C14orf93: variants seen among roughly 807,000 people sequenced by gnomAD.
The protein encoded by C14orf93 is chromosome 14 open reading frame 93.
In C14orf93, 23 loss-of-function variants were observed where a neutral mutation model predicts 44.0. The ratio of observed to expected loss-of-function variants is 0.52; its 90% confidence interval spans 0.38 to 0.74. The LOEUF (loss-of-function observed/expected upper bound fraction) is 0.74, where lower values mean the gene tolerates loss of function less well. Ranked by LOEUF, C14orf93 falls within the 30% of genes least tolerant of loss-of-function variation. C14orf93 has a pLI of 0.00. For missense variants in C14orf93, 579 were observed against 678.9 expected (o/e 0.85, Z 1.64); for synonymous variants, 253 against 265.7 (o/e 0.95, Z 0.46).
intron 1 of C14orf93, among the ~76,000 whole-genome samples, chr14:23,004,085 TTTG>T (rs1239814301): frequency 1.4e-5 from 2 of 146,762 alleles, no homozygotes; most frequent in East Asian, 4.1e-4. Flanking sequence ...AATTTTTGTA[TTTG>T]TAGTAGAGAT....
At chr14:22,990,398 A>T (rs1210246108) in intron 3 of C14orf93, among the ~76,000 whole-genome samples, 1 of 152,018 alleles carries the variant, frequency 6.6e-6, no homozygotes, top group African/African-American at 2.4e-5. Context: ...TTCCATGAAC[A>T]TACCCCTGAT....
At chr14:23,007,079 A>G (rs891361406) in intron 1 of C14orf93, 5 of 152,284 alleles carry the variant, frequency 3.3e-5, no homozygotes, top group African/African-American at 1.2e-4. Context: ...GCACGGGCTG[A>G]CTCAGCTAGG....
chr14:22,987,692 G>C lies in C14orf93; in HGVS notation c.1198-58C>G, dbSNP rs2045313480. ...GGTAAACATTCTATGGATTAGATTT[G>C]GGGAAAAGGTTTGGTGGGGAAGGCT... On this transcript the variant is annotated intron_variant, in intron 6 of 6. Transcript: ENST00000299088. This position sits in a 1 kb window ranked among gnomAD's most constrained non-coding sequence, Gnocchi z 5.6. 1 of 1,505,312 alleles carries C rather than the reference G, an allele frequency of 6.6e-7. No homozygotes were observed. The highest frequency in any genetic ancestry group is 2.2e-5 in the Admixed American group (1 of 46,190). The allele number at this position is 1,505,312 out of a possible 1,614,324, so 93.2% of individuals were successfully genotyped here.
chr14:23,002,585 A>G (rs2046368928), intron 1 of C14orf93: 1 of 152,206 alleles, frequency 6.6e-6, no homozygotes. Context: ...TTTTGTGAAG[A>G]TTATACATAA....
chr14:22,999,153 G>T lies in C14orf93; in HGVS notation c.-130C>A. 1 of 1,412,146 alleles carries T rather than the reference G, an allele frequency of 7.1e-7. No homozygotes were observed. The highest frequency in any genetic ancestry group is 9.4e-7 in the Non-Finnish European group (1 of 1,064,074). 87.5% of individuals were successfully genotyped at this position (1,412,146 alleles called of 1,614,324 possible). Reference sequence around the variant, plus strand: ...AGAGGAGCCCAGGCCCCAAGCTGTAGGGTCTGTGAAAGAAGAGTAAACAAG... The same window carrying T: ...AGAGGAGCCCAGGCCCCAAGCTGTATGGTCTGTGAAAGAAGAGTAAACAAG... On this transcript the variant is annotated 5_prime_UTR_variant, in exon 2 of 7. Transcript: ENST00000299088.
In C14orf93 at chr14:22,996,880, C is replaced by T. The variant is rs923516952; in HGVS notation, c.598-612G>A. On this transcript the variant is annotated intron_variant, in intron 2 of 6. Coordinates refer to ENST00000299088, the MANE Select transcript of C14orf93 (RefSeq NM_021944.4). The surrounding 1 kb of genome is among the most constrained non-coding windows in gnomAD (Gnocchi z 4.1). ...GCCCTCACTCAAGGACATACAGAGC[C>T]GGGAAAGGAAGAAGGGAGCAAGGGA... 2.0e-5 allele frequency among the ~76,000 whole-genome samples: 3 copies of T among 151,844 alleles called. No homozygotes were observed. Among genetic ancestry groups the T allele is most frequent in the Non-Finnish European group, 2.9e-5 (2 of 67,966 alleles).
chr14:22,997,479 T>C (rs535590899), intron 2 of C14orf93, among the ~76,000 whole-genome samples: 41 of 152,134 alleles, frequency 2.7e-4, no homozygotes, highest in Non-Finnish European at 5.1e-4. Context: ...CTGACAGAAC[T>C]CCAACCGTCT....
chr14:22,996,567 G>A lies in C14orf93; in HGVS notation c.598-299C>T, dbSNP rs1214977262. ...GGATAGCTCTTGGATATAAGAAATG[G>A]AGCTAGATAAGTGTTTTGTCTGAAA... On this transcript the variant is annotated intron_variant, in intron 2 of 6. Transcript: ENST00000299088. This position sits in a 1 kb window ranked among gnomAD's most constrained non-coding sequence, Gnocchi z 4.1. 6.6e-6 allele frequency among the ~76,000 whole-genome samples: 1 copy of A among 152,202 alleles called. No homozygotes were observed. Among genetic ancestry groups the A allele is most frequent in the Non-Finnish European group, 1.5e-5 (1 of 68,036 alleles).
Position 22,996,245 on chromosome 14 carries a change from A to G in C14orf93, c.621T>C (p.Ser207=). 6.4e-7 allele frequency: 1 copy of G among 1,565,852 alleles called. No individual in the cohort carries two copies. Among genetic ancestry groups the G allele is most frequent in the East Asian group, 2.3e-5 (1 of 44,074 alleles). The change falls in exon 3 of 7, where the codon TCT becomes TCC. Residue 207 remains serine, a synonymous_variant. Transcript: ENST00000299088. This position sits in a 1 kb window ranked among gnomAD's most constrained non-coding sequence, Gnocchi z 4.1. ...LNPLVDDYVA[S]EGAVQRVLVP... is the part of the protein sequence containing the mutation. ...CCAGAACTCGCTGTACTGCACCCTCAGAGGCCACGTAATCATCCACCAGCT... is the reference window on the plus strand; with the variant it reads ...CCAGAACTCGCTGTACTGCACCCTCGGAGGCCACGTAATCATCCACCAGCT...
At chr14:23,007,342 G>A (rs1456918750) in intron 1 of C14orf93, among the ~76,000 whole-genome samples, 1 of 152,206 alleles carries the variant, frequency 6.6e-6, no homozygotes, top group East Asian at 1.9e-4. Context: ...GCCGTCAGAC[G>A]CCATCTTTAG....
rs1256496366 is a variant in C14orf93, at chr14:22,986,222, T to C, written c.*993A>G. 1.3e-5 allele frequency: 2 copies of C among 152,016 alleles called. No individual in the cohort carries two copies. Among genetic ancestry groups the C allele is most frequent in the African/African-American group, 4.8e-5 (2 of 41,374 alleles). The allele number at this position is 152,016 out of a possible 1,614,324, so 9.4% of individuals were successfully genotyped here. A position where few individuals can be genotyped will look rare whatever the true frequency, so the allele number is the denominator to read the frequency against. ...AAGAAGCCTTTCCAGACTGCAAGAG[T>C]AGGTTAGCTACCCCTGCTGTATATT... On this transcript the variant is annotated 3_prime_UTR_variant, in exon 7 of 7. Coordinates refer to ENST00000299088, the MANE Select transcript of C14orf93 (RefSeq NM_021944.4).
chr14:22,990,009 T>C (rs1029922202), intron 4 of C14orf93, 57 bp downstream of exon 4: 3 of 1,519,510 alleles, frequency 2.0e-6, no homozygotes, highest in Admixed American at 3.4e-5. Flanking sequence ...CATCCCCCTC[T>C]ACTTCCCTGT....
In C14orf93 at chr14:22,987,458, G is replaced by C. The variant is rs764283356; in HGVS notation, c.1374C>G (p.His458Gln). The change falls in exon 7 of 7, where the codon CAC becomes CAG. Residue 458 changes from histidine to glutamine, a missense_variant. Physicochemically the swap from His to Gln is conservative, Grantham distance 24 (BLOSUM62 0). Transcript: ENST00000299088. The surrounding 1 kb of genome is among the most constrained non-coding windows in gnomAD (Gnocchi z 5.6). ...RAQRLTELCYHLDANSKHGTK... is the reference protein window; with the variant it reads ...RAQRLTELCYQLDANSKHGTK... ...TGCCATGCTTAGAGTTAGCATCCAG[G>C]TGGTAGCAGAGCTCTGTGAGGCGCT... is the stretch of plus-strand genomic sequence containing the variant. 1.9e-6 allele frequency: 3 copies of C among 1,614,130 alleles called. No individual in the cohort carries two copies. In the South Asian group the frequency reaches 3.3e-5, roughly 18 times the overall value.
chr14:23,005,138 A>G (rs2046563444), intron 1 of C14orf93: 1 of 142,400 alleles, frequency 7.0e-6, no homozygotes, highest in Admixed American at 6.9e-5. Flanking sequence ...ATTCTAGAGG[A>G]AAAAAAAAAA....
intron 2 of C14orf93, chr14:22,998,100 C>T (rs761183743): frequency 3.9e-4 from 115 of 294,366 alleles, no homozygotes; most frequent in African/African-American, 1.7e-3. Flanking sequence ...CGTCTGTGCA[C>T]GGCAGGCATC....
chr14:22,989,122 G>A (rs778822426), intron 5 of C14orf93, among the ~76,000 whole-genome samples: 7 of 152,038 alleles, frequency 4.6e-5, no homozygotes, highest in Non-Finnish European at 7.4e-5. Context: ...CTGGGACTAC[G>A]TCATGCATGC....
intron 1 of C14orf93, among the ~76,000 whole-genome samples, chr14:23,009,276 TCTAAG>T (rs1364113518): frequency 3.3e-5 from 5 of 152,216 alleles, no homozygotes; most frequent in Non-Finnish European, 4.4e-5. Context: ...TAGGATTTCT[TCTAAG>T]CTCTGCTTTG....
intron 2 of C14orf93, chr14:22,998,213 A>G: frequency 1.5e-6 from 1 of 645,350 alleles, no homozygotes; most frequent in Non-Finnish European, 2.4e-6. Flanking sequence ...CCATCACTAC[A>G]CACAGCAAAA....
intron 1 of C14orf93, among the ~76,000 whole-genome samples, chr14:23,003,435 T>G (rs551122204): frequency 6.6e-6 from 1 of 152,224 alleles, no homozygotes; most frequent in Non-Finnish European, 1.5e-5. Context: ...ACTACTTAAG[T>G]GCTGGATAAA....
Sources: gnomAD v4.1 joint callset for allele counts (sites outside exome capture counted in the v4.1 genomes callset) on GRCh38, gnomAD v4.1.1 for gene constraint, Gnocchi (gnomAD v3.1) non-coding constraint, MANE v1.5 for transcripts, NCBI Gene and HGNC (gene_info 2026-07-23, HGNC 2026-07-21) for gene names.